Variants in CSMD3 observed in about 807,000 individuals in gnomAD.
The protein encoded by CSMD3 is CUB and Sushi multiple domains 3.
In CSMD3, 177 loss-of-function variants were observed where a neutral mutation model predicts 435.2. The observed-to-expected ratio is 0.41, with a 90% confidence interval of 0.36 to 0.46. CSMD3 has a LOEUF of 0.46. CSMD3 is among the 20% of genes least tolerant of loss of function. The probability of loss-of-function intolerance (pLI) is 0.34; values close to 1 mark genes in which losing one functional copy is unlikely to be tolerated. For synonymous variants in CSMD3, 1,656 were observed against 1,520.5 expected (o/e 1.09, Z -2.07); for missense variants, 4,265 against 4,504.6 (o/e 0.95, Z 1.52).
At chr8:112,863,645 G>A (rs955719476) in intron 10 of CSMD3, among the ~76,000 whole-genome samples, 1 of 151,734 alleles carries the variant, frequency 6.6e-6, no homozygotes, top group Non-Finnish European at 1.5e-5. Context: ...CTTTAGTTGT[G>A]TCCATTTGTC....
intron 13 of CSMD3, among the ~76,000 whole-genome samples, chr8:112,786,633 C>T (rs951924544): frequency 2.6e-5 from 4 of 151,586 alleles, no homozygotes; most frequent in African/African-American, 9.7e-5. Flanking sequence ...CAAAAGAAGA[C>T]ATGCAAATGG....
intron 30 of CSMD3, among the ~76,000 whole-genome samples, chr8:112,501,395 GAAA>G (rs753817533): frequency 2.9e-5 from 3 of 102,172 alleles, no homozygotes; most frequent in Non-Finnish European, 2.1e-5. Flanking sequence ...CCATCTCAAG[GAAA>G]AAAAAAAAAA....
intron 5 of CSMD3, among the ~76,000 whole-genome samples, chr8:113,044,819 C>T (rs529726520): frequency 2.0e-5 from 3 of 148,984 alleles, no homozygotes; most frequent in African/African-American, 7.3e-5. Flanking sequence ...TTTGTTTATG[C>T]TGTTATTTCT....
At chr8:112,836,681 A>C (rs2132511072) in intron 11 of CSMD3, among the ~76,000 whole-genome samples, 1 of 151,982 alleles carries the variant, frequency 6.6e-6, no homozygotes, top group South Asian at 2.1e-4. Context: ...CTACATGTTG[A>C]GATGTCCAGA....
At chr8:113,006,739 C>A (rs185984095) in intron 6 of CSMD3, among the ~76,000 whole-genome samples, 3 of 151,932 alleles carry the variant, frequency 2.0e-5, no homozygotes, top group African/African-American at 7.2e-5. Flanking sequence ...GTCTATCCAA[C>A]CAGGCCCTCT....
At chr8:112,268,050 T>C (rs966577393) in intron 59 of CSMD3, among the ~76,000 whole-genome samples, 1 of 152,158 alleles carries the variant, frequency 6.6e-6, no homozygotes, top group Non-Finnish European at 1.5e-5. Context: ...AGAAATACCA[T>C]TGCATAATAA....
intron 13 of CSMD3, among the ~76,000 whole-genome samples, chr8:112,760,146 A>G (rs2077802360): frequency 2.6e-5 from 4 of 152,200 alleles, no homozygotes; most frequent in African/African-American, 7.2e-5. Flanking sequence ...AAATTTTCAG[A>G]ATCAGATATT....
intron 59 of CSMD3, among the ~76,000 whole-genome samples, chr8:112,269,342 T>C (rs940121772): frequency 1.3e-5 from 2 of 152,210 alleles, no homozygotes; most frequent in African/African-American, 4.8e-5. Context: ...CTTAGATTCA[T>C]TTATCACCTG....
At chr8:112,278,314 T>C (rs577429945) in intron 59 of CSMD3, among the ~76,000 whole-genome samples, 17 of 152,290 alleles carry the variant, frequency 1.1e-4, no homozygotes, top group African/African-American at 3.8e-4. Flanking sequence ...GATGTGCTGA[T>C]TTTGATGCAT....
chr8:112,286,708 G>T (rs1478981044), intron 58 of CSMD3, among the ~76,000 whole-genome samples: 1 of 152,046 alleles, frequency 6.6e-6, no homozygotes, highest in Non-Finnish European at 1.5e-5. Flanking sequence ...TAGTATCTGC[G>T]TTTTCAGGCT....
chr8:113,302,816 C>CA (rs1490462150), intron 2 of CSMD3, among the ~76,000 whole-genome samples: 1 of 143,226 alleles, frequency 7.0e-6, no homozygotes, highest in East Asian at 2.0e-4. Context: ...ACTGAATGGG[C>CA]AAAAACTGGA....
At chr8:112,937,352 G>GT (rs5894122) in intron 9 of CSMD3, among the ~76,000 whole-genome samples, 63,271 of 135,202 alleles carry the variant, frequency 0.47, 15,100 homozygotes, top group East Asian at 0.56. Context: ...AGGTAATAAT[G>GT]TTTTTTTTTT....
At chr8:112,411,816 A>G (rs894301869) in intron 32 of CSMD3, among the ~76,000 whole-genome samples, 5 of 152,132 alleles carry the variant, frequency 3.3e-5, no homozygotes, top group Non-Finnish European at 7.4e-5. Context: ...TGTTCTGAAT[A>G]GCCAAAGGTA....
At chr8:112,938,239 A>G (rs990908199) in intron 9 of CSMD3, among the ~76,000 whole-genome samples, 3 of 152,164 alleles carry the variant, frequency 2.0e-5, no homozygotes, top group Non-Finnish European at 2.9e-5. Flanking sequence ...GAACTTTATT[A>G]ATGCCCATGA....
Position 113,034,390 on chromosome 8 carries a change from T to A in CSMD3, c.918-15211A>T, listed in dbSNP as rs534082463. Among the ~76,000 whole-genome samples, 7 of 151,480 alleles carry A rather than the reference T, an allele frequency of 4.6e-5. 1 individual carries two copies. Among genetic ancestry groups the A allele is most frequent in the Admixed American group, 1.3e-4 (2 of 15,192 alleles). ...ATACATGCTATAACATGAGTAAACCTTGAAAACATCATACTAAGTGAAAGA... is the reference window on the plus strand; with the variant it reads ...ATACATGCTATAACATGAGTAAACCATGAAAACATCATACTAAGTGAAAGA... On this transcript the variant is annotated intron_variant, in intron 5 of 70. Transcript: ENST00000297405.
At chr8:113,410,796 T>C (rs1312043617) in intron 1 of CSMD3, among the ~76,000 whole-genome samples, 1 of 150,698 alleles carries the variant, frequency 6.6e-6, no homozygotes, top group African/African-American at 2.4e-5. Context: ...ACTCAGCTAC[T>C]ATGGGAGGCT....
chr8:113,428,912 TCCTC>T (rs1239198051), intron 1 of CSMD3, among the ~76,000 whole-genome samples: 3 of 151,794 alleles, frequency 2.0e-5, no homozygotes, highest in African/African-American at 7.2e-5. Flanking sequence ...AGTTAAAAAA[TCCTC>T]CCTATTATTT....
chr8:112,303,149 C>T (rs1821095746), intron 52 of CSMD3, among the ~76,000 whole-genome samples: 1 of 152,024 alleles, frequency 6.6e-6, no homozygotes, highest in African/African-American at 2.4e-5. Context: ...ATATTCCTAT[C>T]CATGTGCCCT....
intron 6 of CSMD3, among the ~76,000 whole-genome samples, chr8:112,999,843 C>T (rs1366099319): frequency 1.3e-5 from 2 of 151,738 alleles, no homozygotes; most frequent in East Asian, 3.9e-4. Flanking sequence ...AGGTCATTTG[C>T]TGATATGAGA....
Sources: gnomAD v4.1 joint callset for allele counts (sites outside exome capture counted in the v4.1 genomes callset) on GRCh38, gnomAD v4.1.1 for gene constraint, MANE v1.5 for transcripts, NCBI Gene and HGNC (gene_info 2026-07-23, HGNC 2026-07-21) for gene names.